ANXA10: variants seen among roughly 807,000 people sequenced by gnomAD.
ANXA10 encodes the protein annexin A10.
A neutral mutation model predicts 53.5 loss-of-function variants in ANXA10; 49 were observed. The ratio of observed to expected loss-of-function variants is 0.92; its 90% CI spans 0.73 to 1.16. The LOEUF is 1.16. Ranked by LOEUF, ANXA10 falls within the 50% of genes most tolerant of loss-of-function variation. The pLI, the probability that ANXA10 is intolerant of heterozygous loss-of-function variation, is 0.00. For missense variants in ANXA10, 393 were observed against 394.4 expected (o/e 1.00, Z 0.03); for synonymous variants, 131 against 128.9 (o/e 1.02, Z -0.11).
At chr4:168,154,380 T>C (rs1443537442) in intron 3 of ANXA10, among the ~76,000 whole-genome samples, 1 of 152,132 alleles carries the variant, frequency 6.6e-6, no homozygotes, top group Admixed American at 6.6e-5. Context: ...ATGCTGAATT[T>C]TGAAGAATTT....
intron 9 of ANXA10, 114 bp from the exon 10 acceptor site, chr4:168,181,569 C>G: frequency 1.2e-6 from 1 of 862,542 alleles, no homozygotes; most frequent in Non-Finnish European, 1.9e-6. Context: ...AAGTGTTGAC[C>G]TTACAATACA....
chr4:168,101,073 T>C (rs1429455273), intron 1 of ANXA10, among the ~76,000 whole-genome samples: 3 of 151,958 alleles, frequency 2.0e-5, no homozygotes, highest in East Asian at 3.9e-4. Context: ...TGGGAGGTGA[T>C]TGGATAGTGG....
intron 3 of ANXA10, among the ~76,000 whole-genome samples, chr4:168,147,462 T>C (rs1731424207): frequency 6.6e-6 from 1 of 152,220 alleles, no homozygotes; most frequent in South Asian, 2.1e-4. Context: ...TAGAAACTTA[T>C]GCCTGAAAGT....
At chr4:168,182,690 C>T (rs898930495) in intron 10 of ANXA10, among the ~76,000 whole-genome samples, 2 of 149,968 alleles carry the variant, frequency 1.3e-5, no homozygotes, top group African/African-American at 4.9e-5. Context: ...ATAATGCACT[C>T]CTTATCCATA....
chr4:168,117,523 G>C (rs889645054), intron 1 of ANXA10, among the ~76,000 whole-genome samples: 3 of 152,116 alleles, frequency 2.0e-5, no homozygotes, highest in Non-Finnish European at 2.9e-5. Flanking sequence ...TCCATGTGTA[G>C]CTCTGCCATT....
At chr4:168,172,151 T>TGTGGCC (rs1732002714) in intron 6 of ANXA10, among the ~76,000 whole-genome samples, 1 of 152,234 alleles carries the variant, frequency 6.6e-6, no homozygotes, top group African/African-American at 2.4e-5. Flanking sequence ...AAACATACCA[T>TGTGGCC]GTGGCCGTCT....
chr4:168,178,748 C>T lies in ANXA10; in HGVS notation c.629-469C>T, dbSNP rs532372063. Among the ~76,000 whole-genome samples, 63 of 152,272 alleles carry T rather than the reference C, an allele frequency of 4.1e-4. 4 individuals carry two copies. In the South Asian group the frequency reaches 0.012, roughly 30 times the overall value. On this transcript the variant is annotated intron_variant, in intron 8 of 11. Transcript: ENST00000359299. ...TTCTAAATTAGTAAACCCTAGTCTA[C>T]ACCCAAAAAGTTGATTTCATATTTC...
In ANXA10 at chr4:168,117,935, A is replaced by ACTCC. The variant is rs34260585; in HGVS notation, c.19-10137_19-10134dup. 2.7e-3 allele frequency among the ~76,000 whole-genome samples: 393 copies of ACTCC among 146,532 alleles called. 5 individuals are homozygous for ACTCC. Among genetic ancestry groups the ACTCC allele is most frequent in the African/African-American group, 0.01 (380 of 37,480 alleles). On this transcript the variant is annotated intron_variant, in intron 1 of 11. Transcript: ENST00000359299. Reference sequence around the variant, plus strand: ...CACTCACTCACTCACTCACTCACTCACTCCCTCCCTCCCTCACACTGGGAC... The same window carrying ACTCC: ...CACTCACTCACTCACTCACTCACTCACTCCCTCCCTCCCTCCCTCACACTGGGAC...
At chr4:168,181,306 G>T (rs1264158198) in intron 9 of ANXA10, among the ~76,000 whole-genome samples, 9 of 151,094 alleles carry the variant, frequency 6.0e-5, no homozygotes, top group African/African-American at 2.2e-4. Context: ...CAGGAGAATG[G>T]CGTGAACCCG....
At chr4:168,123,175 C>A (rs1731017266) in intron 1 of ANXA10, among the ~76,000 whole-genome samples, 1 of 152,108 alleles carries the variant, frequency 6.6e-6, no homozygotes, top group Non-Finnish European at 1.5e-5. Flanking sequence ...TCCCAGATTT[C>A]TTCAAACTCC....
rs1731835199 is a variant in ANXA10, at chr4:168,164,233, AC to A, written c.346del (p.Leu116Ter). The A allele has an allele frequency of 4.3e-6, 7 of 1,613,224 alleles. No individual in the cohort carries two copies. The highest frequency in any genetic ancestry group is 5.9e-6 in the Non-Finnish European group (7 of 1,179,372). ...GTDENCLIEI[L>X]ASRTNGEIFQ... ...CTGATGAGAATTGCCTCATTGAAAT[AC>A]TAGCTTCAAGAACAAATGGAGAAAT... On this transcript the variant is annotated frameshift_variant, in exon 5 of 12. Coordinates refer to ENST00000359299, the MANE Select transcript of ANXA10 (RefSeq NM_007193.5). LOFTEE classifies it high-confidence loss of function.
At chr4:168,147,889 G>A (rs1236836413) in intron 3 of ANXA10, among the ~76,000 whole-genome samples, 1 of 152,212 alleles carries the variant, frequency 6.6e-6, no homozygotes, top group Non-Finnish European at 1.5e-5. Flanking sequence ...AGAAGTTGGG[G>A]TAGAGGGAAG....
At chr4:168,147,631 G>C (rs1387508285) in intron 3 of ANXA10, among the ~76,000 whole-genome samples, 1 of 152,150 alleles carries the variant, frequency 6.6e-6, no homozygotes, top group Admixed American at 6.5e-5. Context: ...CTAGTCTAAA[G>C]GTCTCCAATC....
At chr4:168,154,028 C>T (rs1445394087) in intron 3 of ANXA10, among the ~76,000 whole-genome samples, 2 of 151,710 alleles carry the variant, frequency 1.3e-5, no homozygotes, top group Non-Finnish European at 2.9e-5. Context: ...GCGCGTGCCT[C>T]TGAGTTGAAA....
intron 1 of ANXA10, among the ~76,000 whole-genome samples, chr4:168,123,143 T>C (rs1484082772): frequency 6.6e-6 from 1 of 152,180 alleles, no homozygotes; most frequent in Admixed American, 6.5e-5. Context: ...ACCCTGAGCA[T>C]GCAATGTGGA....
intron 1 of ANXA10, among the ~76,000 whole-genome samples, chr4:168,114,809 C>T (rs1404792800): frequency 3.9e-5 from 6 of 152,066 alleles, no homozygotes; most frequent in South Asian, 4.2e-4. Context: ...ATGTGCCTGC[C>T]GAAGACACGA....
At chr4:168,174,502 C>G (rs1181942628) in intron 6 of ANXA10, among the ~76,000 whole-genome samples, 1 of 152,214 alleles carries the variant, frequency 6.6e-6, no homozygotes, top group African/African-American at 2.4e-5. Context: ...GTCACAGTGG[C>G]CACAGGATCC....
In ANXA10 at chr4:168,184,617, A is replaced by T; in HGVS notation, c.842A>T (p.Asp281Val). The change falls in exon 11 of 12, where the codon GAC (aspartate) becomes GTC (valine). Residue 281 changes from aspartate (D) to valine (V), a missense_variant. Asp to Val is a radical substitution (Grantham distance 152). Coordinates refer to ENST00000359299, the MANE Select transcript of ANXA10 (RefSeq NM_007193.5). Reference protein sequence around the residue: ...IRILIARSEIDLLTIRKRYKE... With the variant: ...IRILIARSEIVLLTIRKRYKE... ...ATTCTCATTGCCAGAAGTGAAATAG[A>T]CCTGCTGACCATAAGGAAACGATAC... 1 of 1,614,020 alleles carries T rather than the reference A, an allele frequency of 6.2e-7. No homozygotes were observed. Among genetic ancestry groups the T allele is most frequent in the Non-Finnish European group, 8.5e-7 (1 of 1,179,876 alleles).
At chr4:168,146,900 G>A (rs1226295070) in intron 3 of ANXA10, among the ~76,000 whole-genome samples, 1 of 152,204 alleles carries the variant, frequency 6.6e-6, no homozygotes, top group Non-Finnish European at 1.5e-5. Flanking sequence ...CTTGATTTCT[G>A]CCCATGGGGC....
Sources: allele counts gnomAD v4.1 joint callset (sites outside exome capture counted in the v4.1 genomes callset), GRCh38; gene constraint gnomAD v4.1.1; transcripts MANE v1.5; gene names NCBI Gene and HGNC (gene_info 2026-07-23, HGNC 2026-07-21).